Variants in ZNRF3 observed in about 807,000 individuals in gnomAD.
ZNRF3 encodes the protein E3 ubiquitin-protein ligase ZNRF3.
Under a neutral mutation model 72.5 loss-of-function variants are expected in ZNRF3, and 23 were observed. That is an observed-to-expected ratio of 0.32 (90% CI 0.23 to 0.45). The LOEUF is 0.45. ZNRF3 is among the 20% of genes least tolerant of loss of function. The pLI is 1.00. For missense variants in ZNRF3, 1,169 were observed against 1,272.1 expected, an observed-to-expected ratio of 0.92 and a Z score of 1.23; for synonymous variants, 610 against 545.3, an observed-to-expected ratio of 1.12 and a Z score of -1.65.
At chr22:28,892,763 C>G (rs977446049) in intron 1 of ZNRF3, among the ~76,000 whole-genome samples, 3 of 152,142 alleles carry the variant, frequency 2.0e-5, no homozygotes, top group Non-Finnish European at 2.9e-5. Context: ...TGTTTAGAAA[C>G]TCAGTATAGA....
chr22:29,051,081 C>A, intron 8 of ZNRF3, 133 bp downstream of exon 8: 1 of 1,034,148 alleles, frequency 9.7e-7, no homozygotes, highest in African/African-American at 1.6e-5. Context: ...TGAAGACTTC[C>A]AAGGGTTACT....
chr22:28,916,484 ATTAG>A (rs921785663), intron 1 of ZNRF3, among the ~76,000 whole-genome samples: 2 of 152,200 alleles, frequency 1.3e-5, no homozygotes, highest in African/African-American at 2.4e-5. Flanking sequence ...ATTTAAAATT[ATTAG>A]TTATTCTCTT....
intron 1 of ZNRF3, among the ~76,000 whole-genome samples, chr22:28,915,577 T>C (rs1314436710): frequency 2.6e-5 from 4 of 152,208 alleles, no homozygotes; most frequent in Non-Finnish European, 5.9e-5. Flanking sequence ...CCCAGTTCTT[T>C]CCGTTCTTTA....
At chr22:29,021,237 A>T (rs874916) in intron 2 of ZNRF3, among the ~76,000 whole-genome samples, 69,584 of 151,654 alleles carry the variant, frequency 0.46, 16,353 homozygotes, top group Non-Finnish European at 0.5. Context: ...TGTCTCAAAA[A>T]AAATAAATAA....
rs2037297119 is a variant in ZNRF3 at position 29,056,305 on chromosome 22, T to C, written c.*2683T>C. On this transcript the variant is annotated 3_prime_UTR_variant, in exon 9 of 9. Transcript: ENST00000544604. ...TGGTAGAGACAGGGTATCTCCATGT[T>C]GGTCAGGCTGGTCTTGGATTCCCGA... 6.6e-6 allele frequency: 1 copy of C among 152,160 alleles called. No homozygotes were observed. Among genetic ancestry groups the C allele is most frequent in the Admixed American group, 6.5e-5 (1 of 15,274 alleles). 9.4% of individuals were successfully genotyped at this position (152,160 alleles called of 1,614,324 possible).
chr22:29,008,489 C>G (rs1482823311), intron 2 of ZNRF3, among the ~76,000 whole-genome samples: 3 of 152,166 alleles, frequency 2.0e-5, no homozygotes, highest in Admixed American at 6.5e-5. Flanking sequence ...TTGAAGAGAC[C>G]AGTGAAGAGG....
Position 29,049,120 on chromosome 22 carries a change from C to T in ZNRF3, c.1016-77C>T. On this transcript the variant is annotated intron_variant, in intron 7 of 8. Transcript: ENST00000544604. The surrounding 1 kb of genome is among the most constrained non-coding windows in gnomAD (Gnocchi z 5.2). Reference sequence around the variant, plus strand: ...CCAAGCCTGCTGCTTCAGCCTTTGCCCGTTTTAAAAATCCCTTTAGCCTCT... The same window carrying T: ...CCAAGCCTGCTGCTTCAGCCTTTGCTCGTTTTAAAAATCCCTTTAGCCTCT... 6.8e-7 allele frequency: 1 copy of T among 1,467,612 alleles called. No individual in the cohort carries two copies. The highest frequency in any genetic ancestry group is 1.3e-5 in the South Asian group (1 of 74,152). 90.9% of individuals were successfully genotyped at this position (1,467,612 alleles called of 1,614,324 possible).
rs565734861 is a variant in ZNRF3 at position 29,043,145 on chromosome 22, GC to G, written c.502-152del. 1.6e-4 allele frequency among the ~76,000 whole-genome samples: 24 copies of G among 152,198 alleles called. 1 individual carries two copies. The highest frequency in any genetic ancestry group is 1.9e-4 in the Non-Finnish European group (13 of 68,004). ...CATCCCAAAACAAGCGTCATTCTCA[GC>G]CTTGCTCTTCTGGGAGCTCCAAGGC... On this transcript the variant is annotated intron_variant, in intron 3 of 8. Coordinates refer to ENST00000544604, the MANE Select transcript of ZNRF3 (RefSeq NM_001206998.2).
At chr22:28,998,590 A>G (rs942720229) in intron 2 of ZNRF3, among the ~76,000 whole-genome samples, 4 of 152,316 alleles carry the variant, frequency 2.6e-5, no homozygotes, top group Admixed American at 2.6e-4. Flanking sequence ...CAGGGAATAC[A>G]AGTTTTCTTC....
At position 28,987,023 on chromosome 22, in the gene ZNRF3, C is replaced by A; in HGVS notation, c.301-53C>A. 3 of 1,574,408 alleles carry A rather than the reference C, an allele frequency of 1.9e-6. No individual in the cohort carries two copies. The South Asian group carries it at 3.6e-5, about 19-fold the overall frequency. On this transcript the variant is annotated intron_variant, in intron 1 of 8. Transcript: ENST00000544604. Reference sequence around the variant, plus strand: ...CATCTGAGAAATACACAATATGAGTCAAGCAAATGTGTAGCTTGCCTGCTG... The same window carrying A: ...CATCTGAGAAATACACAATATGAGTAAAGCAAATGTGTAGCTTGCCTGCTG...
chr22:28,908,760 A>C (rs141887421), intron 1 of ZNRF3, among the ~76,000 whole-genome samples: 2 of 152,318 alleles, frequency 1.3e-5, no homozygotes, highest in East Asian at 3.9e-4. Flanking sequence ...TACAATGATA[A>C]GACCTGTGCT....
At chr22:28,945,041 C>A (rs373891479) in intron 1 of ZNRF3, among the ~76,000 whole-genome samples, 71 of 150,830 alleles carry the variant, frequency 4.7e-4, no homozygotes, top group African/African-American at 1.7e-3. Flanking sequence ...AGATGGGCTG[C>A]GTGCAGTGGC....
chr22:28,922,557 C>T (rs2034529117), intron 1 of ZNRF3, among the ~76,000 whole-genome samples: 1 of 151,884 alleles, frequency 6.6e-6, no homozygotes, highest in Non-Finnish European at 1.5e-5. Flanking sequence ...TTTTCTTGAC[C>T]CTTTCTGTAG....
chr22:28,964,667 T>C (rs713892), intron 1 of ZNRF3, among the ~76,000 whole-genome samples: 128,769 of 152,220 alleles, frequency 0.85, 55,484 homozygotes, highest in East Asian at 0.95. Flanking sequence ...TCATCACCCC[T>C]CAGGTTCTGA....
In ZNRF3 at chr22:28,954,239, G is replaced by C. The variant is rs2035216120; in HGVS notation, c.301-32837G>C. On this transcript the variant is annotated intron_variant, in intron 1 of 8. Coordinates refer to ENST00000544604, the MANE Select transcript of ZNRF3 (RefSeq NM_001206998.2). ...TTTCTCATAGTTCTAGGTGCTGGAA[G>C]TCTGAGATCAGGGTGCCAGCATGGT... Among the ~76,000 whole-genome samples, 4 of 152,306 alleles carry C rather than the reference G, an allele frequency of 2.6e-5. No homozygotes were observed. In the South Asian group the frequency reaches 8.3e-4, roughly 32 times the overall value.
At chr22:28,892,449 A>G (rs1358031791) in intron 1 of ZNRF3, among the ~76,000 whole-genome samples, 2 of 152,144 alleles carry the variant, frequency 1.3e-5, no homozygotes, top group East Asian at 1.9e-4. Flanking sequence ...GCCTTTTCCA[A>G]CTCATTTTTA....
In ZNRF3 at chr22:29,049,253, C is replaced by T. The variant is rs774297736; in HGVS notation, c.1072C>T (p.Arg358Trp). Residue 358 changes from arginine to tryptophan, a missense_variant, in exon 8 of 9, where the codon CGG (arginine) becomes TGG (tryptophan). Around this residue, in one of 2 missense-constraint regions of ZNRF3, gnomAD observed 386 missense variants for 540.7 expected, o/e 0.71. Transcript: ENST00000544604. The surrounding 1 kb of genome is among the most constrained non-coding windows in gnomAD (Gnocchi z 5.2). ...CVETSNLSRG[R>W]QQRVTLPVHY... ...GGAGACCAGCAACCTCTCACGTGGT[C>T]GGCAGCAGAGGGTGACCCTGCCGGT... The T allele has an allele frequency of 1.7e-5, 27 of 1,613,162 alleles. No individual in the cohort carries two copies. Among genetic ancestry groups the T allele is most frequent in the Non-Finnish European group, 2.3e-5 (27 of 1,179,596 alleles).
At chr22:28,958,389 C>A (rs935763659) in intron 1 of ZNRF3, among the ~76,000 whole-genome samples, 4 of 152,124 alleles carry the variant, frequency 2.6e-5, no homozygotes, top group African/African-American at 9.7e-5. Context: ...TTCTCTCACT[C>A]CCCTCCTTTA....
Position 29,050,072 on chromosome 22 carries a change from G to T in ZNRF3, c.1891G>T (p.Glu631Ter), listed in dbSNP as rs1288289032. 6.2e-7 allele frequency: 1 copy of T among 1,607,570 alleles called. No individual in the cohort carries two copies. The highest frequency in any genetic ancestry group is 8.5e-7 in the Non-Finnish European group (1 of 1,177,668). The change falls in exon 8 of 9, where the codon GAG becomes TAG. Residue 631 changes from glutamate (E) to a stop codon, truncating the protein, a stop_gained. Coordinates refer to ENST00000544604, the MANE Select transcript of ZNRF3 (RefSeq NM_001206998.2). LOFTEE classifies it high-confidence loss of function. ...ALCFEGSPPP[E>*]ELPAVHSHGA... ...GTGCTTCGAGGGCTCCCCGCCTCCC[G>T]AGGAGCTCCCGGCGGTGCACAGTCA...
Sources: allele counts gnomAD v4.1 joint callset (sites outside exome capture counted in the v4.1 genomes callset), GRCh38; gene constraint gnomAD v4.1.1; regional missense constraint gnomAD v4.1.1; non-coding constraint Gnocchi (gnomAD v3.1); transcripts MANE v1.5; gene names NCBI Gene and HGNC (gene_info 2026-07-23, HGNC 2026-07-21).